The following PLEKHB2 variants were observed in gnomAD, a reference collection of about 807,000 sequenced individuals.
PLEKHB2 encodes pleckstrin homology domain-containing family B member 2.
Under a neutral mutation model 36.5 loss-of-function variants are expected in PLEKHB2, and 31 were observed. The observed-to-expected ratio is 0.85, with a 90% CI of 0.64 to 1.15. PLEKHB2 has a LOEUF of 1.15. Among genes scored for constraint, PLEKHB2 ranks in the 50% most tolerant of loss-of-function variants. The pLI, the probability that PLEKHB2 is intolerant of heterozygous loss-of-function variation, is 0.00. For missense variants in PLEKHB2, 262 were observed against 295.3 expected (o/e 0.89, Z 0.83); for synonymous variants, 119 against 112.0 (o/e 1.06, Z -0.39).
intron 2 of PLEKHB2, among the ~76,000 whole-genome samples, chr2:131,123,775 A>T (rs7609332): frequency 5.2e-5 from 2 of 38,758 alleles, no homozygotes; most frequent in African/African-American, 4.1e-4. Context: ...CACCCCCCCC[A>T]CCCCCCCCCC....
intron 2 of PLEKHB2, among the ~76,000 whole-genome samples, chr2:131,123,032 C>T (rs968605018): frequency 6.6e-6 from 1 of 152,192 alleles, no homozygotes. Flanking sequence ...GCTCTGTCAA[C>T]ATAGTGATCA....
intron 7 of PLEKHB2, among the ~76,000 whole-genome samples, chr2:131,142,740 T>C (rs998994209): frequency 6.6e-6 from 1 of 152,058 alleles, no homozygotes; most frequent in Non-Finnish European, 1.5e-5. Flanking sequence ...GTATTTTTAG[T>C]AGAGATGGTT....
chr2:131,120,677 T>C lies in PLEKHB2; in HGVS notation c.-8-257T>C, dbSNP rs111279770. On this transcript the variant is annotated intron_variant, in intron 1 of 7. Coordinates refer to ENST00000693505, the MANE Select transcript of PLEKHB2 (RefSeq NM_001100623.2). ...GTCCCTGGGGCTGCTTTATGTTTGT[T>C]GAGTGGTGTTAGACTCGGTCAGGTG... 4,534 of 548,462 alleles carry C rather than the reference T, an allele frequency of 8.3e-3. 167 individuals are homozygous for C. Among genetic ancestry groups the C allele is most frequent in the African/African-American group, 0.077 (4,076 of 52,702 alleles). The allele number at this position is 548,462 out of a possible 1,614,324, so 34.0% of individuals were successfully genotyped here.
intron 6 of PLEKHB2, among the ~76,000 whole-genome samples, chr2:131,139,895 A>G: frequency 6.6e-6 from 1 of 152,248 alleles, no homozygotes; most frequent in African/African-American, 2.4e-5. Context: ...GCACAGCTGA[A>G]TTGAAATCCA....
At chr2:131,142,857 A>G (rs911043933) in intron 7 of PLEKHB2, among the ~76,000 whole-genome samples, 2 of 152,074 alleles carry the variant, frequency 1.3e-5, no homozygotes, top group Non-Finnish European at 2.9e-5. Flanking sequence ...TGCCTGGCCT[A>G]GAATCTAGTT....
intron 7 of PLEKHB2, among the ~76,000 whole-genome samples, chr2:131,141,914 C>G (rs1306348959): frequency 6.6e-6 from 1 of 152,140 alleles, no homozygotes; most frequent in Non-Finnish European, 1.5e-5. Flanking sequence ...TTAATGTGAG[C>G]CATACATACA....
At chr2:131,145,173 G>A (rs1399163188) in intron 7 of PLEKHB2, among the ~76,000 whole-genome samples, 1 of 152,178 alleles carries the variant, frequency 6.6e-6, no homozygotes, top group Non-Finnish European at 1.5e-5. Flanking sequence ...GTGTGCCTCA[G>A]TTTGCCCATC....
At chr2:131,106,733 C>G (rs1694776639) in intron 1 of PLEKHB2, among the ~76,000 whole-genome samples, 1 of 152,118 alleles carries the variant, frequency 6.6e-6, no homozygotes, top group African/African-American at 2.4e-5. Context: ...TGGTGGTGAT[C>G]TCTTTACTCG....
intron 6 of PLEKHB2, 21 bp from the exon 7 acceptor site, chr2:131,140,146 A>G: frequency 1.4e-6 from 2 of 1,451,814 alleles, no homozygotes; most frequent in Non-Finnish European, 1.9e-6. Context: ...TTGTATTTCT[A>G]ATGGGCCTGT....
At chr2:131,132,095 T>G (rs1697764667) in intron 5 of PLEKHB2, among the ~76,000 whole-genome samples, 1 of 152,184 alleles carries the variant, frequency 6.6e-6, no homozygotes, top group Non-Finnish European at 1.5e-5. Context: ...CCTCCCAAAA[T>G]GCTGTGATTA....
intron 7 of PLEKHB2, chr2:131,144,479 G>A: frequency 1.5e-5 from 15 of 1,011,330 alleles, no homozygotes; most frequent in Non-Finnish European, 1.9e-5. Flanking sequence ...TCTAGATTTG[G>A]GGACTATAGT....
At chr2:131,109,551 G>C (rs574366723) in intron 1 of PLEKHB2, among the ~76,000 whole-genome samples, 1 of 152,136 alleles carries the variant, frequency 6.6e-6, no homozygotes, top group East Asian at 1.9e-4. Context: ...TCAGCTGTGC[G>C]TGGTGGTGGG....
chr2:131,108,417 T>C (rs1694949419), intron 1 of PLEKHB2, among the ~76,000 whole-genome samples: 1 of 152,164 alleles, frequency 6.6e-6, no homozygotes, highest in Admixed American at 6.6e-5. Context: ...CTCCAGGATA[T>C]AAATAGTGAA....
chr2:131,128,897 T>C (rs1697363435), intron 4 of PLEKHB2, among the ~76,000 whole-genome samples: 8 of 151,894 alleles, frequency 5.3e-5, no homozygotes, highest in Admixed American at 4.0e-4. Context: ...CTCTTCCACC[T>C]GATATGACAA....
At chr2:131,118,867 C>CAAAAAAAAAA (rs138450500) in intron 1 of PLEKHB2, 2 of 45,208 alleles carry the variant, frequency 4.4e-5, no homozygotes, top group African/African-American at 7.8e-5. Context: ...GATTCCGTCT[C>CAAAAAAAAAA]AAAAAAAAAA....
At chr2:131,117,569 G>A (rs958459632) in intron 1 of PLEKHB2, among the ~76,000 whole-genome samples, 5 of 152,140 alleles carry the variant, frequency 3.3e-5, no homozygotes, top group East Asian at 1.9e-4. Flanking sequence ...TCATGACTAC[G>A]TAGTTCTCAG....
intron 1 of PLEKHB2, among the ~76,000 whole-genome samples, chr2:131,117,611 AT>A (rs201603406): frequency 2.0e-5 from 3 of 150,688 alleles, no homozygotes; most frequent in African/African-American, 4.9e-5. Flanking sequence ...GCCTGTTCTC[AT>A]TTTTTTTTGT....
intron 7 of PLEKHB2, among the ~76,000 whole-genome samples, chr2:131,145,162 T>C (rs1333811939): frequency 6.6e-6 from 1 of 152,204 alleles, no homozygotes; most frequent in Non-Finnish European, 1.5e-5. Context: ...CCTTAACTGC[T>C]GTGTGCCTCA....
intron 1 of PLEKHB2, among the ~76,000 whole-genome samples, chr2:131,117,115 G>A (rs927075283): frequency 1.6e-4 from 24 of 151,068 alleles, no homozygotes; most frequent in African/African-American, 5.8e-4. Flanking sequence ...GCTAAACTCC[G>A]TCCAAAAAAA....
Sources: gnomAD v4.1 joint callset for allele counts (sites outside exome capture counted in the v4.1 genomes callset) on GRCh38, gnomAD v4.1.1 for gene constraint, MANE v1.5 for transcripts, NCBI Gene and HGNC (gene_info 2026-07-23, HGNC 2026-07-21) for gene names.